The following CCSER1 variants were observed in gnomAD, a reference collection of about 807,000 sequenced individuals.
CCSER1 encodes serine-rich coiled-coil domain-containing protein 1.
Under a neutral mutation model 82.0 loss-of-function variants are expected in CCSER1, and 41 were observed. The observed-to-expected ratio is 0.50, with a 90% CI of 0.39 to 0.65. CCSER1 has a LOEUF of 0.65. Ranked by LOEUF, CCSER1 falls within the 30% of genes least tolerant of loss-of-function variation. The pLI is 0.00. For missense variants in CCSER1, 1,119 were observed against 1,064.2 expected, an observed-to-expected ratio of 1.05 and a Z score of -0.72; for synonymous variants, 414 against 383.9, an observed-to-expected ratio of 1.08 and a Z score of -0.92.
At chr4:90,264,439 A>C (rs752266967) in intron 1 of CCSER1, among the ~76,000 whole-genome samples, 40 of 152,166 alleles carry the variant, frequency 2.6e-4, no homozygotes, top group African/African-American at 8.2e-4. Flanking sequence ...ATTGGCTATT[A>C]ACTTTATAAA....
chr4:91,545,838 G>A (rs892712033), intron 10 of CCSER1, among the ~76,000 whole-genome samples: 1 of 152,068 alleles, frequency 6.6e-6, no homozygotes, highest in African/African-American at 2.4e-5. Context: ...AACAGTGGTG[G>A]TGTGGAGATT....
intron 10 of CCSER1, among the ~76,000 whole-genome samples, chr4:91,216,982 A>G (rs182036665): frequency 1.7e-3 from 258 of 152,310 alleles, no homozygotes; most frequent in Admixed American, 5.2e-3. Context: ...ACTGACTTCA[A>G]GAATGAAGCC....
At chr4:90,788,632 T>C (rs1458787415) in intron 7 of CCSER1, among the ~76,000 whole-genome samples, 5 of 152,176 alleles carry the variant, frequency 3.3e-5, no homozygotes, top group Admixed American at 2.6e-4. Context: ...TCCAGTATTT[T>C]CTCTTTTTAA....
chr4:90,190,035 T>C lies in CCSER1; in HGVS notation c.-42+62204T>C, dbSNP rs1488468515. On this transcript the variant is annotated intron_variant, in intron 1 of 10. Coordinates refer to ENST00000509176, the MANE Select transcript of CCSER1 (RefSeq NM_001145065.2). ...TGGAACAATAAAAGGTTTTCTGGCA[T>C]AGTCATTCTGATAGCGGCATGAGAC... is the stretch of plus-strand genomic sequence containing the variant. Among the ~76,000 whole-genome samples, 3 of 152,026 alleles carry C rather than the reference T, an allele frequency of 2.0e-5. No individual in the cohort carries two copies. The East Asian group carries it at 5.8e-4, about 29-fold the overall frequency.
intron 10 of CCSER1, among the ~76,000 whole-genome samples, chr4:91,561,266 C>T (rs978884012): frequency 1.1e-4 from 16 of 151,564 alleles, no homozygotes; most frequent in African/African-American, 3.9e-4. Flanking sequence ...TGATTCCTGA[C>T]AACTTTTCTG....
In CCSER1 at chr4:90,488,746, C is replaced by T. The variant is rs182239624; in HGVS notation, c.1724+20392C>T. Among the ~76,000 whole-genome samples, 260 of 152,266 alleles carry T rather than the reference C, an allele frequency of 1.7e-3. 1 individual carries two copies. The highest frequency in any genetic ancestry group is 2.8e-3 in the Non-Finnish European group (192 of 68,018). On this transcript the variant is annotated intron_variant, in intron 5 of 10. Coordinates refer to ENST00000509176, the MANE Select transcript of CCSER1 (RefSeq NM_001145065.2). Reference sequence around the variant, plus strand: ...TAGAATGCTCGCTCTGAACATATGACATCTGTCACTTCAATTGTATATAAT... The same window carrying T: ...TAGAATGCTCGCTCTGAACATATGATATCTGTCACTTCAATTGTATATAAT...
chr4:90,514,793 T>A (rs1415518321), intron 5 of CCSER1, among the ~76,000 whole-genome samples: 1 of 151,554 alleles, frequency 6.6e-6, no homozygotes, highest in Admixed American at 6.6e-5. Context: ...ACCTTTATAA[T>A]AATATATATG....
chr4:91,120,259 A>G (rs1726968312), intron 10 of CCSER1, among the ~76,000 whole-genome samples: 1 of 152,084 alleles, frequency 6.6e-6, no homozygotes, highest in South Asian at 2.1e-4. Flanking sequence ...TAACTAGAAT[A>G]AAGCATAGTT....
chr4:90,638,690 A>T (rs1342801815), intron 6 of CCSER1, among the ~76,000 whole-genome samples: 1 of 152,258 alleles, frequency 6.6e-6, no homozygotes, highest in East Asian at 1.9e-4. Context: ...GGTCTTGAAA[A>T]TAGATGAGGA....
At position 90,836,882 on chromosome 4, in the gene CCSER1, G is replaced by T. The variant is rs1371597921; in HGVS notation, c.2094+21037G>T. On this transcript the variant is annotated intron_variant, in intron 8 of 10. Coordinates refer to ENST00000509176, the MANE Select transcript of CCSER1 (RefSeq NM_001145065.2). ...AACAAAACTGCTTGGCCACTTGGCC[G>T]CTGTTTTTCTCAAGAAACAAGTAAC... Among the ~76,000 whole-genome samples the T allele has an allele frequency of 3.9e-5, 6 of 152,336 alleles. No homozygotes were observed. In the South Asian group the frequency reaches 1.2e-3, roughly 32 times the overall value.
intron 9 of CCSER1, among the ~76,000 whole-genome samples, chr4:90,983,887 AC>A (rs1179064445): frequency 6.6e-6 from 1 of 151,744 alleles, no homozygotes; most frequent in Non-Finnish European, 1.5e-5. Context: ...ACATAATCAC[AC>A]ACTGTTTATA....
At chr4:91,217,920 G>A (rs544777983) in intron 10 of CCSER1, among the ~76,000 whole-genome samples, 3 of 152,348 alleles carry the variant, frequency 2.0e-5, no homozygotes, top group Non-Finnish European at 2.9e-5. Flanking sequence ...AGTGGATCCC[G>A]CACCGGGGCT....
chr4:91,301,152 A>C (rs1032406908), intron 10 of CCSER1, among the ~76,000 whole-genome samples: 1 of 151,934 alleles, frequency 6.6e-6, no homozygotes, highest in African/African-American at 2.4e-5. Flanking sequence ...TAATGAAATG[A>C]AAAGTAAAAG....
At chr4:91,120,351 TA>T (rs1726979775) in intron 10 of CCSER1, among the ~76,000 whole-genome samples, 3 of 152,146 alleles carry the variant, frequency 2.0e-5, no homozygotes, top group Non-Finnish European at 4.4e-5. Context: ...TACGTGGTCT[TA>T]TATCAGCATC....
intron 3 of CCSER1, among the ~76,000 whole-genome samples, chr4:90,395,853 T>G (rs1447953391): frequency 2.0e-5 from 3 of 150,516 alleles, no homozygotes; most frequent in Non-Finnish European, 4.4e-5. Flanking sequence ...GCGGCAGACA[T>G]GAGGTCAGAA....
At chr4:91,267,014 C>T (rs866010822) in intron 10 of CCSER1, among the ~76,000 whole-genome samples, 32 of 152,242 alleles carry the variant, frequency 2.1e-4, no homozygotes, top group Middle Eastern at 6.8e-3. Flanking sequence ...GAGATTTAAC[C>T]GGTCAAGACA....
chr4:91,280,262 T>C (rs72877068), intron 10 of CCSER1, among the ~76,000 whole-genome samples: 3,139 of 152,170 alleles, frequency 0.021, 111 homozygotes, highest in African/African-American at 0.072. Flanking sequence ...GTGACAACAA[T>C]GGGTCAGGTA....
At chr4:91,537,033 T>C (rs1761332872) in intron 10 of CCSER1, among the ~76,000 whole-genome samples, 1 of 152,096 alleles carries the variant, frequency 6.6e-6, no homozygotes. Flanking sequence ...TTTAAATACA[T>C]TTATCTTCCA....
rs955418441 is a variant in CCSER1 at position 90,860,119 on chromosome 4, A to G, written c.2094+44274A>G. ...ATCATGTATCTGATAAGAGACTTATATCCAGAATACATAAAAAATTTGTAT... is the reference window on the plus strand; with the variant it reads ...ATCATGTATCTGATAAGAGACTTATGTCCAGAATACATAAAAAATTTGTAT... On this transcript the variant is annotated intron_variant, in intron 8 of 10. Coordinates refer to ENST00000509176, the MANE Select transcript of CCSER1 (RefSeq NM_001145065.2). Among the ~76,000 whole-genome samples, 2 of 151,718 alleles carry G rather than the reference A, an allele frequency of 1.3e-5. 1 individual carries two copies. The highest frequency in any genetic ancestry group is 4.8e-5 in the African/African-American group (2 of 41,398).
Sources: allele counts gnomAD v4.1 joint callset (sites outside exome capture counted in the v4.1 genomes callset), GRCh38; gene constraint gnomAD v4.1.1; transcripts MANE v1.5; gene names NCBI Gene and HGNC (gene_info 2026-07-23, HGNC 2026-07-21).